TNR: variants seen among roughly 807,000 people sequenced by gnomAD.
The protein encoded by TNR is tenascin R.
In TNR, 45 loss-of-function variants were observed where a neutral mutation model predicts 150.4. That is an observed-to-expected ratio of 0.30 (90% CI 0.24 to 0.38). The LOEUF (loss-of-function observed/expected upper bound fraction) is 0.38, where lower values mean the gene tolerates loss of function less well. Among genes scored for constraint, TNR ranks in the 10% least tolerant of loss-of-function variants. The pLI, the probability that TNR is intolerant of heterozygous loss-of-function variation, is 1.00. For missense variants in TNR, 1,544 were observed against 1,759.1 expected (o/e 0.88, Z 2.19); for synonymous variants, 687 against 678.4 (o/e 1.01, Z -0.20).
intron 1 of TNR, among the ~76,000 whole-genome samples, chr1:175,678,280 G>T (rs1665924432): frequency 6.6e-6 from 1 of 152,216 alleles, no homozygotes; most frequent in East Asian, 1.9e-4. Flanking sequence ...ACATAGGTCT[G>T]CCTAGTGGGT....
At chr1:175,716,740 C>A (rs568223193) in intron 1 of TNR, among the ~76,000 whole-genome samples, 1 of 152,300 alleles carries the variant, frequency 6.6e-6, no homozygotes, top group Admixed American at 6.5e-5. Context: ...ACATGAGGCC[C>A]AGGAGTTGGT....
At chr1:175,498,411 A>G (rs932979556) in intron 2 of TNR, among the ~76,000 whole-genome samples, 1 of 152,240 alleles carries the variant, frequency 6.6e-6, no homozygotes, top group Non-Finnish European at 1.5e-5. Context: ...TCTGAGGACC[A>G]GGGAATGGTG....
At chr1:175,432,585 T>A (rs1655325222) in intron 2 of TNR, among the ~76,000 whole-genome samples, 1 of 152,206 alleles carries the variant, frequency 6.6e-6, no homozygotes, top group Admixed American at 6.5e-5. Context: ...TTTCCTTCTT[T>A]CATTTTCTTT....
intron 1 of TNR, among the ~76,000 whole-genome samples, chr1:175,604,638 C>T (rs1348201784): frequency 6.6e-6 from 1 of 152,180 alleles, no homozygotes; most frequent in East Asian, 1.9e-4. Context: ...TTATGCCATC[C>T]TCTCTCCTCC....
intron 2 of TNR, among the ~76,000 whole-genome samples, chr1:175,421,176 C>T (rs967198056): frequency 6.6e-6 from 1 of 152,096 alleles, no homozygotes; most frequent in African/African-American, 2.4e-5. Flanking sequence ...AAGTCAAAGC[C>T]AGTCATTGCG....
chr1:175,679,742 G>T (rs1665973686), intron 1 of TNR, among the ~76,000 whole-genome samples: 1 of 152,184 alleles, frequency 6.6e-6, no homozygotes, highest in African/African-American at 2.4e-5. Context: ...GTGGCTCCCT[G>T]CTATTAAAGC....
chr1:175,649,590 G>C (rs1449170204), intron 1 of TNR, among the ~76,000 whole-genome samples: 2 of 152,096 alleles, frequency 1.3e-5, no homozygotes, highest in South Asian at 4.2e-4. Flanking sequence ...CAATACAAGA[G>C]TGACCACCAG....
chr1:175,335,717 A>G lies in TNR; in HGVS notation c.3625T>C (p.Trp1209Arg). ...AGCAATAAGGAGGCTTTACCCAGCC[A>G]GAACTCATCCTCCACGTTCCCGAAG... ...VGFGNVEDEFWLGLDNIHRIT... is the reference protein window; with the variant it reads ...VGFGNVEDEFRLGLDNIHRIT... The change falls in exon 20 of 23, where the codon TGG (tryptophan) becomes CGG (arginine). Residue 1209 changes from tryptophan (W) to arginine (R), a missense_variant. Coordinates refer to ENST00000367674, the MANE Select transcript of TNR (RefSeq NM_003285.3). 2 of 1,613,966 alleles carry G rather than the reference A, an allele frequency of 1.2e-6. No homozygotes were observed. Among genetic ancestry groups the G allele is most frequent in the African/African-American group, 1.3e-5 (1 of 75,042 alleles).
At chr1:175,460,396 C>A (rs1339990755) in intron 2 of TNR, among the ~76,000 whole-genome samples, 2 of 152,016 alleles carry the variant, frequency 1.3e-5, no homozygotes, top group Non-Finnish European at 2.9e-5. Flanking sequence ...CCCTCACTCC[C>A]ACCAAGAAGG....
intron 2 of TNR, among the ~76,000 whole-genome samples, chr1:175,464,286 T>C (rs1211578453): frequency 6.6e-6 from 1 of 152,182 alleles, no homozygotes; most frequent in African/African-American, 2.4e-5. Context: ...TTAACCTTTG[T>C]CCTAGGAGCC....
At chr1:175,590,533 G>C (rs989710770) in intron 1 of TNR, among the ~76,000 whole-genome samples, 1 of 152,200 alleles carries the variant, frequency 6.6e-6, no homozygotes, top group African/African-American at 2.4e-5. Flanking sequence ...GGAGTTCTCA[G>C]CCTGGTGGAG....
intron 1 of TNR, among the ~76,000 whole-genome samples, chr1:175,740,482 C>T (rs553917830): frequency 1.3e-5 from 2 of 152,062 alleles, no homozygotes; most frequent in South Asian, 2.1e-4. Context: ...AAGATGGCAA[C>T]CTATGGCCAT....
chr1:175,611,060 C>A (rs987420672), intron 1 of TNR, among the ~76,000 whole-genome samples: 2 of 152,132 alleles, frequency 1.3e-5, no homozygotes, highest in African/African-American at 4.8e-5. Context: ...CTTGATGTTT[C>A]TGTGAAAAAT....
rs180730676 is a variant in TNR, at chr1:175,723,591, G to T, written c.-165+19635C>A. The stretch of plus-strand genomic sequence containing the variant: ...ATTTCTAAACTGATAAATTTATTTT[G>T]CTAGACATAGTGGCTCATGCCTGTA... On this transcript the variant is annotated intron_variant, in intron 1 of 22. Coordinates refer to ENST00000367674, the MANE Select transcript of TNR (RefSeq NM_003285.3). 2.4e-4 allele frequency among the ~76,000 whole-genome samples: 36 copies of T among 152,308 alleles called. No individual in the cohort carries two copies. In the East Asian group the frequency reaches 6.4e-3, roughly 27 times the overall value.
chr1:175,447,599 A>T (rs1184627227), intron 2 of TNR, among the ~76,000 whole-genome samples: 1 of 152,180 alleles, frequency 6.6e-6, no homozygotes, highest in East Asian at 1.9e-4. Flanking sequence ...AAGCAGGGGG[A>T]CCTCAAGAAT....
intron 1 of TNR, among the ~76,000 whole-genome samples, chr1:175,579,193 C>CTTCCTTCCTTCCTTCCTTCCT (rs1553242591): frequency 3.8e-4 from 57 of 151,274 alleles, no homozygotes; most frequent in African/African-American, 1.3e-3. Context: ...TCCTTCCTTC[C>CTTCCTTCCTTCCTTCCTTCCT]TTCCTTCCTT....
chr1:175,593,291 C>T (rs1662874490), intron 1 of TNR, among the ~76,000 whole-genome samples: 1 of 152,162 alleles, frequency 6.6e-6, no homozygotes, highest in Non-Finnish European at 1.5e-5. Context: ...GTCCTACACC[C>T]TCCAACCCAG....
At chr1:175,737,921 C>A (rs759737035) in intron 1 of TNR, among the ~76,000 whole-genome samples, 2 of 152,154 alleles carry the variant, frequency 1.3e-5, no homozygotes, top group Non-Finnish European at 2.9e-5. Context: ...AACCCAGAGA[C>A]GTGCTCCCCA....
chr1:175,329,419 G>A lies in TNR; in HGVS notation c.3793+655C>T, dbSNP rs896212182. 1.2e-4 allele frequency among the ~76,000 whole-genome samples: 18 copies of A among 152,268 alleles called. 1 individual carries two copies. Among genetic ancestry groups the A allele is most frequent in the African/African-American group, 4.1e-4 (17 of 41,550 alleles). On this transcript the variant is annotated intron_variant, in intron 21 of 22. Transcript: ENST00000367674. ...GCTTGATGGGATGGTTGTTCTGTTTGGTAGAAATGCTGTAAAAATCTACAC... is the reference window on the plus strand; with the variant it reads ...GCTTGATGGGATGGTTGTTCTGTTTAGTAGAAATGCTGTAAAAATCTACAC...
Sources: gnomAD v4.1 joint callset for allele counts (sites outside exome capture counted in the v4.1 genomes callset) on GRCh38, gnomAD v4.1.1 for gene constraint, MANE v1.5 for transcripts, NCBI Gene and HGNC (gene_info 2026-07-23, HGNC 2026-07-21) for gene names.